FAM83G: variants seen among roughly 807,000 people sequenced by gnomAD.
FAM83G encodes scaffolding CK1 anchoring protein G.
A neutral mutation model predicts 61.5 loss-of-function variants in FAM83G; 38 were observed. The observed-to-expected ratio is 0.62, with a 90% CI of 0.48 to 0.81. The LOEUF is 0.81. Ranked by LOEUF, FAM83G falls within the 30% of genes least tolerant of loss-of-function variation. The pLI is 0.00. For synonymous variants in FAM83G, 470 were observed against 476.1 expected (o/e 0.99, Z 0.17); for missense variants, 989 against 1,133.6 (o/e 0.87, Z 1.83).
Position 18,979,629 on chromosome 17 carries a change from C to A in FAM83G, c.735G>T (p.Arg245=), listed in dbSNP as rs1414543380. Residue 245 remains arginine, a synonymous_variant, in exon 4 of 6, where the codon CGG becomes CGT. Coordinates refer to ENST00000388995, the MANE Select transcript of FAM83G (RefSeq NM_001039999.3). The part of the protein sequence containing the change: ...RSSGGTEFFT[R]SATKFKGALA... ...GGGCACCCTTGAACTTGGTTGCCGA[C>A]CGCGTGAAGAACTCAGTTCCCCCGC... is the stretch of plus-strand genomic sequence containing the variant. 6.8e-6 allele frequency: 11 copies of A among 1,613,562 alleles called. No individual in the cohort carries two copies. The highest frequency in any genetic ancestry group is 9.3e-6 in the Non-Finnish European group (11 of 1,180,000).
chr17:18,978,340 G>C lies in FAM83G; in HGVS notation c.1326C>G (p.Ser442Arg), dbSNP rs1158298516. 6.2e-7 allele frequency: 1 copy of C among 1,603,868 alleles called. No homozygotes were observed. The highest frequency in any genetic ancestry group is 1.7e-5 in the Admixed American group (1 of 57,748). The change falls in exon 5 of 6, where the codon AGC becomes AGG. Residue 442 changes from serine (S) to arginine (R), a missense_variant. Ser to Arg is a moderately radical substitution (Grantham distance 110). Around this residue, in one of 3 missense-constraint regions of FAM83G, gnomAD observed 574 missense variants for 645.1 expected, o/e 0.89. Coordinates refer to ENST00000388995, the MANE Select transcript of FAM83G (RefSeq NM_001039999.3). The part of the protein sequence containing the change: ...IDPNIWNPQP[S>R]QMNRIKIRDT... The stretch of plus-strand genomic sequence containing the variant: ...CACGGATCTTGATGCGGTTCATCTG[G>C]CTGGGCTGGGGGTTCCAGATGTTGG...
Position 18,969,102 on chromosome 17 carries a change from C to G in FAM83G, c.*2257G>C. 1.2e-6 allele frequency: 2 copies of G among 1,614,154 alleles called. No individual in the cohort carries two copies. Among genetic ancestry groups the G allele is most frequent in the Middle Eastern group, 1.7e-4 (1 of 6,060 alleles). ...TTGTGCACATCTGCCTGGGCTGGAA[C>G]TTCTACCTCTCCACCATCCTCACGC... On this transcript the variant is annotated 3_prime_UTR_variant, in exon 6 of 6. Coordinates refer to ENST00000388995, the MANE Select transcript of FAM83G (RefSeq NM_001039999.3).
At chr17:18,984,106 GC>G (rs1246781677) in intron 3 of FAM83G, among the ~76,000 whole-genome samples, 6 of 152,144 alleles carry the variant, frequency 3.9e-5, no homozygotes, top group African/African-American at 1.4e-4. Flanking sequence ...ACTTTGGGAG[GC>G]CGAGGCGGGC....
chr17:19,004,246 G>A lies in FAM83G; in HGVS notation c.-128-77C>T. Reference sequence around the variant, plus strand: ...GGGAGGGGCGGCGGGGGCGGGGCCGGGAACTCAGGTGGGCGTGGGAAGGAC... The same window carrying A: ...GGGAGGGGCGGCGGGGGCGGGGCCGAGAACTCAGGTGGGCGTGGGAAGGAC... On this transcript the variant is annotated intron_variant, in intron 1 of 5. Coordinates refer to ENST00000388995, the MANE Select transcript of FAM83G (RefSeq NM_001039999.3). The surrounding 1 kb of genome is among the most constrained non-coding windows in gnomAD (Gnocchi z 5.4). 1.9e-6 allele frequency: 1 copy of A among 540,152 alleles called. No individual in the cohort carries two copies. The highest frequency in any genetic ancestry group is 3.2e-6 in the Non-Finnish European group (1 of 308,824). 33.5% of individuals were successfully genotyped at this position (540,152 alleles called of 1,614,324 possible). A position where few individuals can be genotyped will look rare whatever the true frequency, so the allele number is the denominator to read the frequency against.
At chr17:18,997,870 T>C (rs1177076956) in intron 2 of FAM83G, among the ~76,000 whole-genome samples, 4 of 152,146 alleles carry the variant, frequency 2.6e-5, no homozygotes, top group Non-Finnish European at 5.9e-5. Context: ...ACACAGAGTG[T>C]TTTACACACC....
intron 2 of FAM83G, among the ~76,000 whole-genome samples, chr17:18,998,953 A>G (rs921251793): frequency 6.6e-6 from 1 of 152,182 alleles, no homozygotes; most frequent in Admixed American, 6.5e-5. Flanking sequence ...TCCTCCAGAG[A>G]GCCCAGTATT....
chr17:18,984,068 C>T (rs533804716), intron 3 of FAM83G, among the ~76,000 whole-genome samples: 34 of 152,156 alleles, frequency 2.2e-4, no homozygotes, highest in Admixed American at 7.8e-4. Context: ...CTTGGCCGGG[C>T]GCGGTGGCTC....
In FAM83G at chr17:18,971,102, C is replaced by G. The variant is rs1394733343; in HGVS notation, c.*257G>C. 6.2e-7 allele frequency: 1 copy of G among 1,614,122 alleles called. No individual in the cohort carries two copies. Among genetic ancestry groups the G allele is most frequent in the East Asian group, 2.2e-5 (1 of 44,876 alleles). ...GACCATTGCCAACACCACCTGCCAC[C>G]TGCCACGTACAGACGCCATGCACAT... is the stretch of plus-strand genomic sequence containing the variant. On this transcript the variant is annotated 3_prime_UTR_variant, in exon 6 of 6. Coordinates refer to ENST00000388995, the MANE Select transcript of FAM83G (RefSeq NM_001039999.3). This position sits in a 1 kb window ranked among gnomAD's most constrained non-coding sequence, Gnocchi z 5.5.
chr17:18,995,207 G>A (rs1333546557), intron 2 of FAM83G, among the ~76,000 whole-genome samples: 1 of 152,152 alleles, frequency 6.6e-6, no homozygotes, highest in Non-Finnish European at 1.5e-5. Flanking sequence ...CGACACAGAT[G>A]TTAGAACTGG....
Position 19,003,473 on chromosome 17 carries a change from C to T in FAM83G, c.522+47G>A. On this transcript the variant is annotated intron_variant, in intron 2 of 5. Transcript: ENST00000388995. The surrounding 1 kb of genome is among the most constrained non-coding windows in gnomAD (Gnocchi z 4.5). Reference sequence around the variant, plus strand: ...GAGTGAGCCTGTATTGAGAGGGGTCCGGTGGCTGGTTGGGCCATGGCTCCA... The same window carrying T: ...GAGTGAGCCTGTATTGAGAGGGGTCTGGTGGCTGGTTGGGCCATGGCTCCA... 1 of 1,499,824 alleles carries T rather than the reference C, an allele frequency of 6.7e-7. No homozygotes were observed. Among genetic ancestry groups the T allele is most frequent in the Non-Finnish European group, 8.9e-7 (1 of 1,124,420 alleles). 92.9% of individuals were successfully genotyped at this position (1,499,824 alleles called of 1,614,324 possible).
intron 2 of FAM83G, among the ~76,000 whole-genome samples, chr17:18,994,005 C>T (rs1441309794): frequency 6.6e-6 from 1 of 152,222 alleles, no homozygotes; most frequent in Non-Finnish European, 1.5e-5. Context: ...CCACAGCTCC[C>T]TCTGGGGTGA....
In FAM83G at chr17:18,996,195, A is replaced by C. The variant is rs1181759312; in HGVS notation, c.522+7325T>G. On this transcript the variant is annotated intron_variant, in intron 2 of 5. Transcript: ENST00000388995. The surrounding 1 kb of genome is among the most constrained non-coding windows in gnomAD (Gnocchi z 4.4). The stretch of plus-strand genomic sequence containing the variant: ...CAGTAAAAATACATTTCAAAACAAA[A>C]GGCAAACTAAAGACTTTTTCAAATA... Among the ~76,000 whole-genome samples, 1 of 152,104 alleles carries C rather than the reference A, an allele frequency of 6.6e-6. No homozygotes were observed.
intron 3 of FAM83G, 133 bp from the exon 4 acceptor site, chr17:18,979,806 C>G: frequency 3.9e-6 from 4 of 1,027,172 alleles, no homozygotes; most frequent in Non-Finnish European, 5.8e-6. Flanking sequence ...GGCTGTAAGG[C>G]CTGGAGAAAG....
intron 3 of FAM83G, among the ~76,000 whole-genome samples, chr17:18,987,944 G>T (rs572292076): frequency 2.0e-5 from 3 of 152,240 alleles, no homozygotes; most frequent in Non-Finnish European, 4.4e-5. Context: ...ACAGATAACC[G>T]ATGTGGCATG....
chr17:18,989,963 A>T (rs2043371662), intron 2 of FAM83G, among the ~76,000 whole-genome samples: 2 of 152,194 alleles, frequency 1.3e-5, no homozygotes, highest in African/African-American at 2.4e-5. Context: ...CAGAGCGGAC[A>T]GCGGAGGTGT....
chr17:19,002,798 G>C (rs550441017), intron 2 of FAM83G, among the ~76,000 whole-genome samples: 1 of 152,300 alleles, frequency 6.6e-6, no homozygotes, highest in South Asian at 2.1e-4. Flanking sequence ...CACAGCTAGG[G>C]CACTGCATAG....
In FAM83G at chr17:18,983,146, G is replaced by A. The variant is rs1597859685; in HGVS notation, c.691-3473C>T. 2.0e-5 allele frequency among the ~76,000 whole-genome samples: 3 copies of A among 152,322 alleles called. No homozygotes were observed. In the East Asian group the frequency reaches 5.8e-4, roughly 29 times the overall value. On this transcript the variant is annotated intron_variant, in intron 3 of 5. Transcript: ENST00000388995. ...GTTGGTGGGCTCAGGTAGGGAAAGTGACCTGCCCACTGTCTCCCAGTAGCC... is the reference window on the plus strand; with the variant it reads ...GTTGGTGGGCTCAGGTAGGGAAAGTAACCTGCCCACTGTCTCCCAGTAGCC...
At position 18,970,982 on chromosome 17, in the gene FAM83G, A is replaced by G; in HGVS notation, c.*377T>C. The G allele has an allele frequency of 6.2e-7, 1 of 1,609,582 alleles. No individual in the cohort carries two copies. Among genetic ancestry groups the G allele is most frequent in the South Asian group, 1.1e-5 (1 of 91,026 alleles). ...GGGAGTCAGGGCCCCGCAACCACCAAACTGTCCCTGTTCCACCCTGACCCC... is the reference window on the plus strand; with the variant it reads ...GGGAGTCAGGGCCCCGCAACCACCAGACTGTCCCTGTTCCACCCTGACCCC... On this transcript the variant is annotated 3_prime_UTR_variant, in exon 6 of 6. Transcript: ENST00000388995.
chr17:18,992,823 G>A (rs375190824), intron 2 of FAM83G, among the ~76,000 whole-genome samples: 45 of 152,218 alleles, frequency 3.0e-4, no homozygotes, highest in South Asian at 8.3e-4. Context: ...CTGTCTGGGC[G>A]GCTAACACAT....
Sources: allele counts gnomAD v4.1 joint callset (sites outside exome capture counted in the v4.1 genomes callset), GRCh38; gene constraint gnomAD v4.1.1; regional missense constraint gnomAD v4.1.1; non-coding constraint Gnocchi (gnomAD v3.1); transcripts MANE v1.5; gene names NCBI Gene and HGNC (gene_info 2026-07-23, HGNC 2026-07-21).